The following RCAN1 variants were observed in gnomAD, a reference collection of about 807,000 sequenced individuals.
RCAN1 encodes the protein regulator of calcineurin 1.
RCAN1 carries 11 observed loss-of-function variants against 22.9 expected under a neutral mutation model. The ratio of observed to expected loss-of-function variants is 0.48; its 90% CI spans 0.30 to 0.79. The LOEUF (loss-of-function observed/expected upper bound fraction) is 0.79. RCAN1 is among the 30% of genes least tolerant of loss of function. The pLI, the probability that RCAN1 is intolerant of heterozygous loss-of-function variation, is 0.06. For synonymous variants in RCAN1, 136 were observed against 142.3 expected, an observed-to-expected ratio of 0.96 and a Z score of 0.32; for missense variants, 291 against 337.8, an observed-to-expected ratio of 0.86 and a Z score of 1.09.
intron 1 of RCAN1, among the ~76,000 whole-genome samples, chr21:34,544,051 G>C (rs1358215136): frequency 6.6e-6 from 1 of 152,272 alleles, no homozygotes; most frequent in Non-Finnish European, 1.5e-5. Flanking sequence ...TGTAGAATGT[G>C]CATAGGTAGG....
At chr21:34,527,779 G>A (rs1008962763) in intron 1 of RCAN1, among the ~76,000 whole-genome samples, 4 of 150,580 alleles carry the variant, frequency 2.7e-5, no homozygotes, top group East Asian at 1.9e-4. Flanking sequence ...ACTCCCACAT[G>A]CTTAGCGTTC....
chr21:34,574,372 G>T (rs982487156), intron 1 of RCAN1, among the ~76,000 whole-genome samples: 1 of 152,170 alleles, frequency 6.6e-6, no homozygotes, highest in Non-Finnish European at 1.5e-5. Flanking sequence ...TCAGACAACT[G>T]ACTTTTCATT....
chr21:34,538,364 C>T (rs1296379203), intron 1 of RCAN1, among the ~76,000 whole-genome samples: 1 of 152,098 alleles, frequency 6.6e-6, no homozygotes, highest in Middle Eastern at 3.2e-3. Flanking sequence ...GAAACGCTCC[C>T]TGTTGGTCCA....
intron 1 of RCAN1, among the ~76,000 whole-genome samples, chr21:34,575,244 C>T (rs1483423300): frequency 6.6e-6 from 1 of 152,204 alleles, no homozygotes; most frequent in Non-Finnish European, 1.5e-5. Flanking sequence ...TCACAGGGCT[C>T]CATGGGAGCA....
intron 1 of RCAN1, among the ~76,000 whole-genome samples, chr21:34,598,356 A>G (rs2123721242): frequency 6.6e-6 from 1 of 152,342 alleles, no homozygotes; most frequent in South Asian, 2.1e-4. Context: ...GTAGTATGAA[A>G]CTGGCTTAGA....
intron 1 of RCAN1, among the ~76,000 whole-genome samples, chr21:34,583,905 T>TAC (rs142532574): frequency 1.1e-4 from 17 of 151,508 alleles, no homozygotes; most frequent in Non-Finnish European, 2.5e-4. Flanking sequence ...CACACACACA[T>TAC]ACACACACAC....
chr21:34,559,330 T>C (rs1411052747), intron 1 of RCAN1: 1 of 152,208 alleles, frequency 6.6e-6, no homozygotes, highest in Non-Finnish European at 1.5e-5. Flanking sequence ...GTGGCTTATA[T>C]GTTCAAGAAT....
rs527542012 is a variant in RCAN1 at position 34,518,252 on chromosome 21, T to C, written c.591A>G (p.Glu197=). The C allele has an allele frequency of 5.0e-6, 8 of 1,613,958 alleles. No homozygotes were observed. The South Asian group carries it at 8.8e-5, about 18-fold the overall frequency. Residue 197 remains glutamate (E), a synonymous_variant, in exon 4 of 4, where the codon GAA becomes GAG. Coordinates refer to ENST00000313806, the MANE Select transcript of RCAN1 (RefSeq NM_004414.7). The surrounding 1 kb of genome is among the most constrained non-coding windows in gnomAD (Gnocchi z 4.2). The stretch of plus-strand genomic sequence containing the variant: ...CAGTCGCTGCGTGCAATTCATACTT[T>C]TCCCCTAAGGAGGGAAAATAATCGC... ...LYAISKLGPG[E]KYELHAATDT... is the part of the protein sequence containing the mutation.
intron 1 of RCAN1, among the ~76,000 whole-genome samples, chr21:34,573,873 C>A (rs1305411450): frequency 3.3e-5 from 5 of 152,142 alleles, no homozygotes; most frequent in Non-Finnish European, 2.9e-5. Context: ...ATATACATTG[C>A]TTTTCTAATT....
Position 34,614,668 on chromosome 21 carries a change from G to T in RCAN1, c.252+92C>A. The T allele has an allele frequency of 8.5e-7, 1 of 1,177,220 alleles. No individual in the cohort carries two copies. Among genetic ancestry groups the T allele is most frequent in the Non-Finnish European group, 1.0e-6 (1 of 952,550 alleles). 72.9% of individuals were successfully genotyped at this position (1,177,220 alleles called of 1,614,324 possible). On this transcript the variant is annotated intron_variant, in intron 1 of 3. Transcript: ENST00000313806. The surrounding 1 kb of genome is among the most constrained non-coding windows in gnomAD (Gnocchi z 6.0). ...ACGTCGCTGCCTCCCCGCCCCGCGC[G>T]CGGCCGGGACTGGGCGCTGCGACCC...
At chr21:34,573,355 C>T (rs1987299225) in intron 1 of RCAN1, among the ~76,000 whole-genome samples, 1 of 152,150 alleles carries the variant, frequency 6.6e-6, no homozygotes, top group Admixed American at 6.5e-5. Context: ...TTGTATTAAC[C>T]ATCACTGATG....
chr21:34,583,588 C>T (rs1987694496), intron 1 of RCAN1, among the ~76,000 whole-genome samples: 1 of 152,166 alleles, frequency 6.6e-6, no homozygotes, highest in Non-Finnish European at 1.5e-5. Context: ...CATGTGAGGA[C>T]ACAGGGAGAA....
intron 1 of RCAN1, among the ~76,000 whole-genome samples, chr21:34,570,037 A>T (rs921727612): frequency 6.6e-6 from 1 of 152,252 alleles, no homozygotes. Context: ...GCACAGCCCA[A>T]CTACAGACTA....
intron 1 of RCAN1, among the ~76,000 whole-genome samples, chr21:34,593,645 C>T (rs1207386975): frequency 1.3e-5 from 2 of 152,212 alleles, no homozygotes; most frequent in Non-Finnish European, 2.9e-5. Flanking sequence ...GACGTGCCAG[C>T]CTGCCAGAGA....
rs909948440 is a variant in RCAN1, at chr21:34,549,380, G to A, written c.253-25670C>T. On this transcript the variant is annotated intron_variant, in intron 1 of 3. Coordinates refer to ENST00000313806, the MANE Select transcript of RCAN1 (RefSeq NM_004414.7). ...TTATTTTTACTTCTTTTATAGCAAC[G>A]TTCATTTTCTAACCTGAAGGTGGTT... Among the ~76,000 whole-genome samples, 4 of 152,224 alleles carry A rather than the reference G, an allele frequency of 2.6e-5. No homozygotes were observed. In the East Asian group the frequency reaches 7.7e-4, roughly 29 times the overall value.
chr21:34,525,413 A>C, intron 1 of RCAN1: 1 of 1,425,314 alleles, frequency 7.0e-7, no homozygotes, highest in Non-Finnish European at 9.2e-7. Context: ...GGTAGAGTTC[A>C]TCTGGCCGCC....
chr21:34,578,575 C>G (rs2256666), intron 1 of RCAN1, among the ~76,000 whole-genome samples: 61,822 of 151,968 alleles, frequency 0.41, 12,723 homozygotes, highest in East Asian at 0.47. Flanking sequence ...AGGGTCAATT[C>G]CTGGTGTCTG....
chr21:34,524,673 C>T (rs1984875062), intron 1 of RCAN1: 3 of 158,100 alleles, frequency 1.9e-5, no homozygotes, highest in African/African-American at 7.2e-5. Context: ...TGCAAATGGA[C>T]CATTTTCTGC....
intron 1 of RCAN1, among the ~76,000 whole-genome samples, chr21:34,540,553 C>T (rs1226931785): frequency 2.0e-5 from 3 of 152,136 alleles, no homozygotes; most frequent in East Asian, 1.9e-4. Flanking sequence ...TTTCCTTCAC[C>T]GAACTAAGGG....
Sources: gnomAD v4.1 joint callset for allele counts (sites outside exome capture counted in the v4.1 genomes callset) on GRCh38, gnomAD v4.1.1 for gene constraint, Gnocchi (gnomAD v3.1) non-coding constraint, MANE v1.5 for transcripts, NCBI Gene and HGNC (gene_info 2026-07-23, HGNC 2026-07-21) for gene names.